Variants in C3 observed in about 807,000 individuals in gnomAD.
C3 encodes C3 and PZP-like alpha-2-macroglobulin domain-containing protein 1.
A neutral mutation model predicts 207.9 loss-of-function variants in C3; 97 were observed. The ratio of observed to expected loss-of-function variants is 0.47; its 90% CI spans 0.40 to 0.55. C3 has a LOEUF of 0.55. Ranked by LOEUF, C3 falls within the 20% of genes least tolerant of loss-of-function variation. The pLI, the probability that C3 is intolerant of heterozygous loss-of-function variation, is 0.00. For synonymous variants in C3, 848 were observed against 857.6 expected (o/e 0.99, Z 0.20); for missense variants, 1,684 against 2,171.7 (o/e 0.78, Z 4.46).
At chr19:6,684,328 A>C (rs1055318633) in intron 33 of C3, 60 bp downstream of exon 33, 37 of 1,306,934 alleles carry the variant, frequency 2.8e-5, no homozygotes, top group Non-Finnish European at 3.9e-5. Flanking sequence ...ATTATTTGCA[A>C]GAATTCTTGC....
chr19:6,685,162 G>A lies in C3; in HGVS notation c.3811-16C>T, dbSNP rs775176775. 1 of 1,612,680 alleles carries A rather than the reference G, an allele frequency of 6.2e-7. No individual in the cohort carries two copies. The highest frequency in any genetic ancestry group is 8.5e-7 in the Non-Finnish European group (1 of 1,179,120). ...TGAAGGTGGCCTAGAACCCACAAGA[G>A]AGAAAGATGGTGATCTGGGAGCCTG... On this transcript the variant is annotated splice_polypyrimidine_tract_variant and intron_variant, in intron 29 of 40. Transcript: ENST00000245907.
At chr19:6,704,533 C>T (rs948552704) in intron 17 of C3, among the ~76,000 whole-genome samples, 2 of 151,830 alleles carry the variant, frequency 1.3e-5, no homozygotes, top group Middle Eastern at 6.3e-3. Context: ...CGGAGGCGGG[C>T]AGATCCCCGA....
chr19:6,677,806 C>A lies in C3; in HGVS notation c.*76G>T. On this transcript the variant is annotated 3_prime_UTR_variant, in exon 41 of 41. Transcript: ENST00000245907. ...GTGAGGCGGCTGGGGATTTCAGCCTCTCCCTCTTGGCAAAGAACTCCAGAC... is the reference window on the plus strand; with the variant it reads ...GTGAGGCGGCTGGGGATTTCAGCCTATCCCTCTTGGCAAAGAACTCCAGAC... 6.3e-7 allele frequency: 1 copy of A among 1,582,180 alleles called. No homozygotes were observed.
rs747968673 is a variant in C3, at chr19:6,711,033, C to T, written c.1433G>A (p.Arg478Gln). ...CTTGGCCTCGTGGGCGCGGTCCATT[C>T]GCAGGAGGAAGTTGACGTTGAGGGT... is the stretch of plus-strand genomic sequence containing the variant. ...GETLNVNFLL[R>Q]MDRAHEAKIR... Residue 478 changes from arginine to glutamine, a missense_variant, in exon 12 of 41, where the codon CGA becomes CAA. By Grantham distance (43) the Arg-to-Gln change is conservative. Around this residue, in one of 3 missense-constraint regions of C3, gnomAD observed 1,280 missense variants for 1,739.1 expected, o/e 0.74. Coordinates refer to ENST00000245907, the MANE Select transcript of C3 (RefSeq NM_000064.4). The T allele has an allele frequency of 2.5e-6, 4 of 1,614,122 alleles. No individual in the cohort carries two copies. The highest frequency in any genetic ancestry group is 3.3e-5 in the Admixed American group (2 of 60,018).
intron 23 of C3, 122 bp downstream of exon 23, chr19:6,696,257 A>G (rs1296276338): frequency 2.9e-6 from 2 of 694,426 alleles, no homozygotes; most frequent in Non-Finnish European, 5.3e-6. Context: ...CAGATCACAG[A>G]TGGGCTGTTC....
rs539674900 is a variant in C3, at chr19:6,688,589, G to A, written c.3490-1687C>T. Among the ~76,000 whole-genome samples the A allele has an allele frequency of 2.6e-5, 4 of 151,212 alleles. No individual in the cohort carries two copies. The South Asian group carries it at 8.3e-4, about 32-fold the overall frequency. ...GGCTGGAGTGCAGTGGCGCAATCTC[G>A]GCTCACTGCAACCTCCACCTCCCTG... On this transcript the variant is annotated intron_variant, in intron 27 of 40. Transcript: ENST00000245907.
chr19:6,696,507 C>A, intron 22 of C3, 42 bp from the exon 23 acceptor site: 1 of 1,593,408 alleles, frequency 6.3e-7, no homozygotes, highest in Non-Finnish European at 8.6e-7. Flanking sequence ...TAGCTCCCTC[C>A]CGCCCTATCC....
intron 33 of C3, chr19:6,682,481 T>G: frequency 2.1e-6 from 1 of 481,824 alleles, no homozygotes; most frequent in Non-Finnish European, 3.8e-6. Context: ...TAAATAACAT[T>G]GGATGCATTA....
intron 14 of C3, among the ~76,000 whole-genome samples, chr19:6,708,711 G>A (rs1335863245): frequency 7.6e-6 from 1 of 132,384 alleles, no homozygotes; most frequent in Admixed American, 7.8e-5. Flanking sequence ...TTTTAAGTTG[G>A]GATTTTCCAC....
In C3 at chr19:6,711,059, C is replaced by G. The variant is rs11569422; in HGVS notation, c.1407G>C (p.Glu469Asp). ...SVLRTELRPG[E>D]TLNVNFLLRM... ...GCAGGAGGAAGTTGACGTTGAGGGT[C>G]TCCCCGGGTCTGAGCTCTGTACGTA... Residue 469 changes from glutamate (E) to aspartate (D), a missense_variant, in exon 12 of 41, where the codon GAG (glutamate) becomes GAC (aspartate). Physicochemically the swap from Glu to Asp is conservative, Grantham distance 45. This residue lies in a region of C3 where 1,280 missense variants were observed against 1,739.1 expected (regional missense o/e 0.74). Transcript: ENST00000245907. 2.5e-3 allele frequency: 4,004 copies of G among 1,614,142 alleles called. 68 individuals carry two copies. In the African/African-American group the frequency reaches 0.044, roughly 18 times the overall value.
In C3 at chr19:6,715,419, T is replaced by C. The variant is rs759562234; in HGVS notation, c.505-973A>G. 2.0e-5 allele frequency among the ~76,000 whole-genome samples: 3 copies of C among 152,014 alleles called. No individual in the cohort carries two copies. The South Asian group carries it at 6.3e-4, about 32-fold the overall frequency. ...TGGGCCCAGGAGGTCAATGCTGCAG[T>C]GAGCTGTGATTGTGCCACTGCACTC... On this transcript the variant is annotated intron_variant, in intron 4 of 40. Transcript: ENST00000245907.
At position 6,718,031 on chromosome 19, in the gene C3, C is replaced by G. The variant is rs11569411; in HGVS notation, c.504+63G>C. 8.7e-6 allele frequency: 13 copies of G among 1,495,776 alleles called. No individual in the cohort carries two copies. In the Admixed American group the frequency reaches 2.2e-4, roughly 25 times the overall value. 92.7% of individuals were successfully genotyped at this position (1,495,776 alleles called of 1,614,324 possible). On this transcript the variant is annotated intron_variant, in intron 4 of 40. Coordinates refer to ENST00000245907, the MANE Select transcript of C3 (RefSeq NM_000064.4). ...CCGGTGTGTCTTTCTCTGTCTCTCT[C>G]GATCTCTTTGCCTCTCCTAAGCCTG...
intron 7 of C3, 174 bp downstream of exon 7, chr19:6,713,817 TG>T (rs1967974162): frequency 1.0e-5 from 1 of 99,228 alleles, no homozygotes; most frequent in Non-Finnish European, 1.8e-5. Flanking sequence ...CCCCTCACCT[TG>T]CCCCACCCCC....
chr19:6,689,348 C>CTCTCT (rs1918105433), intron 27 of C3, among the ~76,000 whole-genome samples: 1 of 58,762 alleles, frequency 1.7e-5, no homozygotes, highest in African/African-American at 9.4e-5. Flanking sequence ...TCCCTCCCTC[C>CTCTCT]CTCCCTCCCT....
intron 24 of C3, among the ~76,000 whole-genome samples, 162 bp downstream of exon 24, chr19:6,694,269 G>A (rs1438523288): frequency 6.6e-6 from 1 of 151,684 alleles, no homozygotes; most frequent in Non-Finnish European, 1.5e-5. Flanking sequence ...GGCCTCAGAG[G>A]GCGTAGCCTT....
chr19:6,686,905 A>G lies in C3; in HGVS notation c.3490-3T>C, dbSNP rs113241758. On this transcript the variant is annotated splice_region_variant and splice_polypyrimidine_tract_variant and intron_variant, in intron 27 of 40. Transcript: ENST00000245907. ...TTAGTGATGCTGCCTGGCAGGCTCT[A>G]TGAGAAAGAGGATCAGATTCTCCGG... The G allele has an allele frequency of 6.2e-7, 1 of 1,614,150 alleles. No individual in the cohort carries two copies. Among genetic ancestry groups the G allele is most frequent in the Non-Finnish European group, 8.5e-7 (1 of 1,180,002 alleles).
In C3 at chr19:6,713,218, T is replaced by C; in HGVS notation, c.974A>G (p.Tyr325Cys). The part of the protein sequence containing the change: ...RAEDLVGKSL[Y>C]VSATVILHSG... ...GTGCAAGATGACGGTGGCAGACACG[T>C]ACAAAGACTTCCCCACCAGGTCTTC... Residue 325 changes from tyrosine to cysteine, a missense_variant, in exon 9 of 41, where the codon TAC (tyrosine) becomes TGC (cysteine). Around this residue, in one of 3 missense-constraint regions of C3, gnomAD observed 1,280 missense variants for 1,739.1 expected, o/e 0.74. Coordinates refer to ENST00000245907, the MANE Select transcript of C3 (RefSeq NM_000064.4). 2 of 1,613,670 alleles carry C rather than the reference T, an allele frequency of 1.2e-6. No homozygotes were observed. The highest frequency in any genetic ancestry group is 1.1e-5 in the South Asian group (1 of 91,080).
chr19:6,710,708 A>C lies in C3; in HGVS notation c.1617T>G (p.Gly539=). The change falls in exon 13 of 41, where the codon GGT becomes GGG. Residue 539 remains glycine, a synonymous_variant. Coordinates refer to ENST00000245907, the MANE Select transcript of C3 (RefSeq NM_000064.4). ...FRLVAYYTLI[G]ASGQREVVAD... The stretch of plus-strand genomic sequence containing the variant: ...CCACCACCTCCCTCTGGCCGCTGGC[A>C]CCGATCAGCGTGTAGTACGCCACCA... 1 of 1,613,728 alleles carries C rather than the reference A, an allele frequency of 6.2e-7. No individual in the cohort carries two copies. The highest frequency in any genetic ancestry group is 8.5e-7 in the Non-Finnish European group (1 of 1,180,008).
intron 17 of C3, among the ~76,000 whole-genome samples, chr19:6,704,514 T>C (rs1216353653): frequency 1.3e-5 from 2 of 152,130 alleles, no homozygotes; most frequent in Non-Finnish European, 2.9e-5. Flanking sequence ...ATCCCAATAC[T>C]TTGGGAGGCG....
Sources: gnomAD v4.1 joint callset for allele counts (sites outside exome capture counted in the v4.1 genomes callset) on GRCh38, gnomAD v4.1.1 for gene constraint, gnomAD v4.1.1 regional missense constraint, MANE v1.5 for transcripts, NCBI Gene and HGNC (gene_info 2026-07-23, HGNC 2026-07-21) for gene names.